The following SUSD1 variants were observed in gnomAD, a reference collection of about 807,000 sequenced individuals.
The protein encoded by SUSD1 is sushi domain-containing protein 1.
A neutral mutation model predicts 86.9 loss-of-function variants in SUSD1; 65 were observed. That is an observed-to-expected ratio of 0.75 (90% CI 0.61 to 0.92). SUSD1 has a LOEUF of 0.92. Ranked by LOEUF, SUSD1 falls within the 40% of genes least tolerant of loss-of-function variation. The pLI, the probability that SUSD1 is intolerant of heterozygous loss-of-function variation, is 0.00. For synonymous variants in SUSD1, 346 were observed against 350.0 expected (o/e 0.99, Z 0.13); for missense variants, 850 against 929.7 (o/e 0.91, Z 1.11).
chr9:112,101,316 C>T (rs746142141), intron 9 of SUSD1, among the ~76,000 whole-genome samples: 7 of 152,024 alleles, frequency 4.6e-5, no homozygotes, highest in African/African-American at 7.2e-5. Context: ...GAGCCAAGAT[C>T]GCCTCCCTGC....
At chr9:112,155,132 T>A (rs1404088755) in intron 2 of SUSD1, among the ~76,000 whole-genome samples, 1 of 151,814 alleles carries the variant, frequency 6.6e-6, no homozygotes, top group African/African-American at 2.4e-5. Context: ...CCGCCTGTAA[T>A]CCTAGCTACT....
At chr9:112,153,478 C>T (rs540716006) in intron 2 of SUSD1, among the ~76,000 whole-genome samples, 1 of 152,164 alleles carries the variant, frequency 6.6e-6, no homozygotes, top group Admixed American at 6.5e-5. Flanking sequence ...AAAGACCTGC[C>T]TGAGGCTGTT....
At position 112,078,626 on chromosome 9, in the gene SUSD1, G is replaced by A; in HGVS notation, c.1665C>T (p.Asp555=). 2 of 1,614,026 alleles carry A rather than the reference G, an allele frequency of 1.2e-6. No individual in the cohort carries two copies. The highest frequency in any genetic ancestry group is 1.7e-6 in the Non-Finnish European group (2 of 1,179,994). Reference sequence around the variant, plus strand: ...CATTGTAGTTGGTACCCGGACGTAGGTCCAAGCACACCTCGGGATCTCGGC... The same window carrying A: ...CATTGTAGTTGGTACCCGGACGTAGATCCAAGCACACCTCGGGATCTCGGC... ...SSSRDPEVCL[D]LRPGTNYNVS... The change falls in exon 12 of 17, where the codon GAC becomes GAT. Residue 555 remains aspartate (D), a synonymous_variant. Transcript: ENST00000374270.
intron 15 of SUSD1, among the ~76,000 whole-genome samples, chr9:112,051,222 GA>G (rs1343967585): frequency 6.6e-6 from 1 of 152,146 alleles, no homozygotes; most frequent in Non-Finnish European, 1.5e-5. Context: ...TTTAGTCATA[GA>G]TTACTTAAAT....
rs1365358702 is a variant in SUSD1, at chr9:112,109,623, G to C, written c.1171+2031C>G. Among the ~76,000 whole-genome samples the C allele has an allele frequency of 3.3e-5, 5 of 152,178 alleles. No homozygotes were observed. The South Asian group carries it at 1.0e-3, about 32-fold the overall frequency. On this transcript the variant is annotated intron_variant, in intron 8 of 16. Transcript: ENST00000374270. ...TTAAGATGCAAAACCGGATCTGCCT[G>C]ACTCCAAAGACCATGTTTTTCCCAA...
In SUSD1 at chr9:112,098,501, T is replaced by C. The variant is rs1830491098; in HGVS notation, c.1443A>G (p.Ser481=). 1.2e-6 allele frequency: 2 copies of C among 1,614,152 alleles called. No homozygotes were observed. Among genetic ancestry groups the C allele is most frequent in the Admixed American group, 1.7e-5 (1 of 60,028 alleles). The change falls in exon 10 of 17, where the codon TCA becomes TCG. Residue 481 remains serine (S), a synonymous_variant. Transcript: ENST00000374270. ...VTLLRSPKRH[S]VQITIATPPA... ...GGGGAGTTGCTATTGTTATTTGCAC[T>C]GAGTGCCGCTTAGGAGATCTCAGCA...
intron 6 of SUSD1, 99 bp downstream of exon 6, chr9:112,124,158 C>A: frequency 8.3e-7 from 1 of 1,200,312 alleles, no homozygotes. Context: ...GAGCTGGGTA[C>A]AGTATGTAGA....
Position 112,142,366 on chromosome 9 carries a change from G to A in SUSD1, c.660C>T (p.Ser220=). ...FFSVPEDTVS[S]CTGLGTWESP... is the part of the protein sequence containing the mutation. ...ACTCCCATGTGCCCAGGCCTGTGCAGCTTGAAACTGTATCTTCTGGAACAC... is the reference window on the plus strand; with the variant it reads ...ACTCCCATGTGCCCAGGCCTGTGCAACTTGAAACTGTATCTTCTGGAACAC... The change falls in exon 5 of 17, where the codon AGC becomes AGT. Residue 220 remains serine, a synonymous_variant. Coordinates refer to ENST00000374270, the MANE Select transcript of SUSD1 (RefSeq NM_022486.5). The A allele has an allele frequency of 1.2e-6, 2 of 1,613,988 alleles. No homozygotes were observed. The highest frequency in any genetic ancestry group is 1.6e-4 in the Middle Eastern group (1 of 6,062).
chr9:112,138,281 G>GTATATACACATATATATATAT (rs1491304710), intron 5 of SUSD1, among the ~76,000 whole-genome samples: 16 of 47,226 alleles, frequency 3.4e-4, no homozygotes, highest in South Asian at 5.8e-4. Flanking sequence ...ATATATATAT[G>GTATATACACATATATATATAT]AAGTCCAGGA....
At chr9:112,151,107 T>A (rs542518071) in intron 2 of SUSD1, among the ~76,000 whole-genome samples, 50 of 152,304 alleles carry the variant, frequency 3.3e-4, no homozygotes, top group African/African-American at 1.1e-3. Context: ...CGTGCCCAGT[T>A]AATTTCTAGT....
Position 112,076,060 on chromosome 9 carries a change from T to C in SUSD1, c.1753+2478A>G, listed in dbSNP as rs549930833. On this transcript the variant is annotated intron_variant, in intron 12 of 16. Coordinates refer to ENST00000374270, the MANE Select transcript of SUSD1 (RefSeq NM_022486.5). Reference sequence around the variant, plus strand: ...GGCAGGGGCCAGATGACATGTCCTATGATGAGGAACTTGGATTCCATTCTA... The same window carrying C: ...GGCAGGGGCCAGATGACATGTCCTACGATGAGGAACTTGGATTCCATTCTA... 7.2e-5 allele frequency among the ~76,000 whole-genome samples: 11 copies of C among 152,306 alleles called. No homozygotes were observed. In the East Asian group the frequency reaches 2.1e-3, roughly 29 times the overall value.
intron 15 of SUSD1, among the ~76,000 whole-genome samples, chr9:112,051,366 A>G (rs1205312080): frequency 6.7e-6 from 1 of 148,920 alleles, no homozygotes; most frequent in Non-Finnish European, 1.5e-5. Context: ...GGGATCATGC[A>G]TAGGATAGTT....
chr9:112,072,140 C>CTT lies in SUSD1; in HGVS notation c.1753+6396_1753+6397dup. 2.7e-3 allele frequency among the ~76,000 whole-genome samples: 322 copies of CTT among 121,142 alleles called. 1 individual carries two copies. The highest frequency in any genetic ancestry group is 5.2e-3 in the African/African-American group (164 of 31,698). The allele number at this position is 121,142 out of a possible 152,430, so 79.5% of individuals were successfully genotyped here. ...TATTCTTTTTTATTTCTTTCTTTCT[C>CTT]TTTTTTTTTTTTTTTTGTTTTTTTT... On this transcript the variant is annotated intron_variant, in intron 12 of 16. Coordinates refer to ENST00000374270, the MANE Select transcript of SUSD1 (RefSeq NM_022486.5).
At chr9:112,152,310 A>G (rs906816356) in intron 2 of SUSD1, among the ~76,000 whole-genome samples, 1 of 152,038 alleles carries the variant, frequency 6.6e-6, no homozygotes, top group Admixed American at 6.6e-5. Context: ...CTCTTTTGTA[A>G]TAATGCTTAA....
intron 1 of SUSD1, among the ~76,000 whole-genome samples, chr9:112,167,295 A>G (rs1205099522): frequency 2.0e-5 from 3 of 151,862 alleles, no homozygotes; most frequent in African/African-American, 7.3e-5. Flanking sequence ...TAGACACGGG[A>G]TCTCCCTATG....
intron 15 of SUSD1, among the ~76,000 whole-genome samples, chr9:112,047,070 T>C (rs1589569908): frequency 1.3e-5 from 2 of 152,198 alleles, no homozygotes; most frequent in South Asian, 2.1e-4. Flanking sequence ...TGAGACTGGG[T>C]AATTTAAAAG....
intron 15 of SUSD1, among the ~76,000 whole-genome samples, chr9:112,049,587 C>T (rs571265005): frequency 6.6e-6 from 1 of 152,284 alleles, no homozygotes; most frequent in South Asian, 2.1e-4. Flanking sequence ...TGTCACTGGG[C>T]AAAGGCCAGA....
chr9:112,055,322 T>C (rs1828400888), intron 14 of SUSD1, among the ~76,000 whole-genome samples: 1 of 152,080 alleles, frequency 6.6e-6, no homozygotes, highest in South Asian at 2.1e-4. Flanking sequence ...GCTACTCAGG[T>C]GGCTGAGGTG....
chr9:112,126,316 A>G (rs1831771206), intron 5 of SUSD1, among the ~76,000 whole-genome samples: 1 of 152,208 alleles, frequency 6.6e-6, no homozygotes. Context: ...CCCAGTGACA[A>G]GTCATTGGAT....
Sources: gnomAD v4.1 joint callset for allele counts (sites outside exome capture counted in the v4.1 genomes callset) on GRCh38, gnomAD v4.1.1 for gene constraint, MANE v1.5 for transcripts, NCBI Gene and HGNC (gene_info 2026-07-23, HGNC 2026-07-21) for gene names.